Variants in PHF20L1 observed in about 807,000 individuals in gnomAD.
The protein encoded by PHF20L1 is PHD finger protein 20-like protein 1.
A neutral mutation model predicts 125.5 loss-of-function variants in PHF20L1; 44 were observed. The ratio of observed to expected loss-of-function variants is 0.35; its 90% CI spans 0.28 to 0.45. The LOEUF is 0.45. Among genes scored for constraint, PHF20L1 ranks in the 20% least tolerant of loss-of-function variants. The pLI is 1.00. For missense variants in PHF20L1, 1,012 were observed against 1,217.2 expected, an observed-to-expected ratio of 0.83 and a Z score of 2.51; for synonymous variants, 380 against 403.1, an observed-to-expected ratio of 0.94 and a Z score of 0.69.
intron 6 of PHF20L1, 54 bp downstream of exon 6, chr8:132,799,226 A>G (rs973103432): frequency 1.0e-6 from 1 of 997,104 alleles, no homozygotes; most frequent in Non-Finnish European, 1.5e-6. Flanking sequence ...ATATAATGTC[A>G]TTTAGAAAGT....
Position 132,817,038 on chromosome 8 carries a change from T to G in PHF20L1, c.1334T>G (p.Ile445Ser), listed in dbSNP as rs772221852. Residue 445 changes from isoleucine to serine, a missense_variant, in exon 11 of 21, where the codon ATC (isoleucine) becomes AGC (serine). Around this residue, in one of 7 missense-constraint regions of PHF20L1, gnomAD observed 320 missense variants for 293.8 expected, o/e 1.09. Transcript: ENST00000395386. ...GCCACTGATGGGAAAGTATTCTCCA[T>G]CAGTTCTCAAAATCAGCAAGAATCT... Reference protein sequence around the residue: ...SPATDGKVFSISSQNQQESSV... With the variant: ...SPATDGKVFSSSSQNQQESSV... 5 of 1,599,160 alleles carry G rather than the reference T, an allele frequency of 3.1e-6. No homozygotes were observed. The highest frequency in any genetic ancestry group is 2.2e-5 in the South Asian group (2 of 89,010).
At chr8:132,824,088 A>G (rs370221345) in intron 13 of PHF20L1, 28 bp downstream of exon 13, 1 of 1,407,160 alleles carries the variant, frequency 7.1e-7, no homozygotes, top group Non-Finnish European at 1.0e-6. Flanking sequence ...TCTTTAAGCA[A>G]AAGACTATAA....
rs1242727885 is a variant in PHF20L1, at chr8:132,803,630, A to G, written c.508-189A>G. 3 of 547,852 alleles carry G rather than the reference A, an allele frequency of 5.5e-6. No individual in the cohort carries two copies. The Admixed American group carries it at 1.0e-4, about 18-fold the overall frequency. 33.9% of individuals were successfully genotyped at this position (547,852 alleles called of 1,614,324 possible). On this transcript the variant is annotated intron_variant, in intron 6 of 20. Coordinates refer to ENST00000395386, the MANE Select transcript of PHF20L1 (RefSeq NM_016018.5). ...TATTTTATGAGAGGTTATGCAATCT[A>G]ACTCATTTGATTATTAAATTTGATA...
At chr8:132,839,319 G>A in intron 17 of PHF20L1, 68 bp from the exon 18 acceptor site, 2 of 1,208,092 alleles carry the variant, frequency 1.7e-6, no homozygotes, top group Non-Finnish European at 2.4e-6. Context: ...AACGTTAGTA[G>A]GTTAGCAGTT....
At chr8:132,843,114 T>C in intron 19 of PHF20L1, 6 of 1,205,038 alleles carry the variant, frequency 5.0e-6, no homozygotes, top group Non-Finnish European at 6.2e-6. Flanking sequence ...TAACAAAAGT[T>C]TCAATTGTAT....
intron 2 of PHF20L1, chr8:132,788,684 A>G (rs1362694945): frequency 6.6e-6 from 1 of 152,042 alleles, no homozygotes. Context: ...TTAAATGCAA[A>G]TGATGTTTAA....
chr8:132,776,259 C>G (rs1438910109), intron 1 of PHF20L1, among the ~76,000 whole-genome samples: 2 of 152,106 alleles, frequency 1.3e-5, no homozygotes, highest in African/African-American at 4.8e-5. Flanking sequence ...CTAAGTGTCA[C>G]TGGGGGATTA....
intron 4 of PHF20L1, among the ~76,000 whole-genome samples, chr8:132,796,782 A>G (rs957022253): frequency 1.3e-5 from 2 of 152,102 alleles, no homozygotes; most frequent in Admixed American, 6.6e-5. Flanking sequence ...AGCCTAGCAC[A>G]TAGTAGACAG....
At chr8:132,823,911 C>A in intron 12 of PHF20L1, 93 bp from the exon 13 acceptor site, 1 of 695,002 alleles carries the variant, frequency 1.4e-6, no homozygotes, top group Non-Finnish European at 2.4e-6. Flanking sequence ...AAGAGTCTTA[C>A]ATAGAGTTTT....
intron 12 of PHF20L1, 68 bp from the exon 13 acceptor site, chr8:132,823,936 T>A: frequency 1.2e-6 from 1 of 863,510 alleles, no homozygotes; most frequent in African/African-American, 1.7e-5. Context: ...GCAATTGTAA[T>A]GTAAAATATT....
At chr8:132,781,975 ATT>A (rs1466071593) in intron 2 of PHF20L1, among the ~76,000 whole-genome samples, 2 of 152,086 alleles carry the variant, frequency 1.3e-5, no homozygotes, top group East Asian at 3.9e-4. Context: ...TTTTAAAAAC[ATT>A]TTCTTTTAAC....
chr8:132,827,175 T>C (rs1473618323), intron 14 of PHF20L1, among the ~76,000 whole-genome samples: 2 of 148,922 alleles, frequency 1.3e-5, no homozygotes, highest in Non-Finnish European at 3.0e-5. Flanking sequence ...CCATCACCTC[T>C]TCATATGTAA....
chr8:132,837,129 AATT>A (rs1837445965), intron 16 of PHF20L1, among the ~76,000 whole-genome samples: 1 of 152,138 alleles, frequency 6.6e-6, no homozygotes, highest in African/African-American at 2.4e-5. Flanking sequence ...TTAAAGGAAA[AATT>A]TTGTTGCAGG....
intron 13 of PHF20L1, chr8:132,824,741 T>C (rs1316635907): frequency 5.9e-6 from 1 of 169,484 alleles, no homozygotes; most frequent in Non-Finnish European, 1.3e-5. Context: ...AATATATTTT[T>C]TTTTCCTCGT....
At chr8:132,845,242 C>T (rs887862994) in intron 20 of PHF20L1, among the ~76,000 whole-genome samples, 16 of 151,984 alleles carry the variant, frequency 1.1e-4, no homozygotes, top group Non-Finnish European at 1.5e-4. Flanking sequence ...AATTTTAATA[C>T]GCTTGCATGT....
Position 132,804,703 on chromosome 8 carries a change from G to A in PHF20L1, c.810G>A (p.Ser270=), listed in dbSNP as rs771372624. 8 of 1,610,064 alleles carry A rather than the reference G, an allele frequency of 5.0e-6. No homozygotes were observed. The highest frequency in any genetic ancestry group is 2.2e-5 in the East Asian group (1 of 44,726). Residue 270 remains serine, a synonymous_variant, in exon 8 of 21, where the codon TCG becomes TCA. Coordinates refer to ENST00000395386, the MANE Select transcript of PHF20L1 (RefSeq NM_016018.5). ...SNKRKNNQGN[S]FQAKRARLNK... is the part of the protein sequence containing the mutation. ...AGAGGAAAAATAATCAAGGCAACTC[G>A]TTTCAGGCAAAGAGAGCTCGACTTA... is the stretch of plus-strand genomic sequence containing the variant.
At chr8:132,830,561 C>T (rs930952194) in intron 14 of PHF20L1, among the ~76,000 whole-genome samples, 3 of 152,028 alleles carry the variant, frequency 2.0e-5, no homozygotes, top group Non-Finnish European at 2.9e-5. Context: ...CTCATTTCCA[C>T]CTCTCATGTA....
At chr8:132,803,501 A>G (rs1308605329) in intron 6 of PHF20L1, 2 of 234,120 alleles carry the variant, frequency 8.5e-6, no homozygotes, top group Non-Finnish European at 1.7e-5. Flanking sequence ...ACTAAGGTAG[A>G]ATGTCATGTA....
chr8:132,821,769 A>T (rs1429622142), intron 12 of PHF20L1, among the ~76,000 whole-genome samples: 3 of 150,956 alleles, frequency 2.0e-5, no homozygotes, highest in African/African-American at 7.3e-5. Context: ...TGCCTCTCTG[A>T]CTCTAACTAG....
Sources: allele counts gnomAD v4.1 joint callset (sites outside exome capture counted in the v4.1 genomes callset), GRCh38; gene constraint gnomAD v4.1.1; regional missense constraint gnomAD v4.1.1; transcripts MANE v1.5; gene names NCBI Gene and HGNC (gene_info 2026-07-23, HGNC 2026-07-21).